The following EDEM3 variants were observed in gnomAD, a reference collection of about 807,000 sequenced individuals.
The protein encoded by EDEM3 is ER degradation enhancing alpha-mannosidase like protein 3.
In EDEM3, 60 loss-of-function variants were observed where a neutral mutation model predicts 110.2. The observed-to-expected ratio is 0.54, with a 90% CI of 0.44 to 0.67. The LOEUF (loss-of-function observed/expected upper bound fraction) is 0.67, where lower values mean the gene tolerates loss of function less well. Among genes scored for constraint, EDEM3 ranks in the 30% least tolerant of loss-of-function variants. The pLI is 0.00. For synonymous variants in EDEM3, 352 were observed against 382.9 expected (o/e 0.92, Z 0.94); for missense variants, 996 against 1,121.0 (o/e 0.89, Z 1.59).
intron 2 of EDEM3, among the ~76,000 whole-genome samples, chr1:184,745,332 G>T (rs1487077938): frequency 6.6e-6 from 1 of 152,062 alleles, no homozygotes; most frequent in East Asian, 1.9e-4. Flanking sequence ...ACAAAAAAAG[G>T]TAAATATAAA....
chr1:184,741,892 T>C (rs986952012), intron 2 of EDEM3, among the ~76,000 whole-genome samples: 5 of 152,178 alleles, frequency 3.3e-5, no homozygotes, highest in African/African-American at 4.8e-5. Flanking sequence ...AGTTCTATAC[T>C]CTTCTTGCAT....
rs12084988 is a variant in EDEM3, at chr1:184,737,751, C to T, written c.205-40G>A. 2.9e-5 allele frequency: 44 copies of T among 1,518,970 alleles called. No homozygotes were observed. The South Asian group carries it at 3.1e-4, about 11-fold the overall frequency. 94.1% of individuals were successfully genotyped at this position (1,518,970 alleles called of 1,614,324 possible). On this transcript the variant is annotated intron_variant, in intron 2 of 19. Transcript: ENST00000318130. ...TTAGTAAGTTACTAAGGAAAATAAG[C>T]GAAAGCACACATCATTTTGAGAACA...
intron 2 of EDEM3, among the ~76,000 whole-genome samples, chr1:184,741,226 C>T (rs1320554068): frequency 3.3e-5 from 5 of 151,830 alleles, no homozygotes; most frequent in Admixed American, 3.3e-4. Flanking sequence ...GGTGAAACCC[C>T]ATCTCTACTA....
intron 19 of EDEM3, among the ~76,000 whole-genome samples, chr1:184,695,954 A>G (rs1350672168): frequency 1.3e-5 from 2 of 151,928 alleles, no homozygotes; most frequent in African/African-American, 4.8e-5. Flanking sequence ...TCTCAGAAAT[A>G]AGCCTCAGAA....
At position 184,717,640 on chromosome 1, in the gene EDEM3, AC is replaced by A; in HGVS notation, c.1162-18del. ...GGTAAATGCCTGAACAAAACAACAT[AC>A]AAAAGGCATAAAAAATGTGATTAAA... On this transcript the variant is annotated intron_variant, in intron 11 of 19. Coordinates refer to ENST00000318130, the MANE Select transcript of EDEM3 (RefSeq NM_025191.4). The A allele has an allele frequency of 6.3e-7, 1 of 1,577,142 alleles. No homozygotes were observed. The highest frequency in any genetic ancestry group is 8.6e-7 in the Non-Finnish European group (1 of 1,164,950).
In EDEM3 at chr1:184,754,714, G is replaced by A; in HGVS notation, c.-68C>T. On this transcript the variant is annotated 5_prime_UTR_variant, in exon 1 of 20. Coordinates refer to ENST00000318130, the MANE Select transcript of EDEM3 (RefSeq NM_025191.4). ...GTGAGACACATTGCTGGACGCTGGT[G>A]GCCAGGGGGCTGCTAGCCGTGCCGA... is the stretch of plus-strand genomic sequence containing the variant. 8 of 1,447,996 alleles carry A rather than the reference G, an allele frequency of 5.5e-6. No homozygotes were observed. In the South Asian group the frequency reaches 1.0e-4, roughly 18 times the overall value. 89.7% of individuals were successfully genotyped at this position (1,447,996 alleles called of 1,614,324 possible).
chr1:184,698,381 C>T (rs1480947326), intron 19 of EDEM3, among the ~76,000 whole-genome samples: 9 of 151,720 alleles, frequency 5.9e-5, no homozygotes, highest in African/African-American at 1.5e-4. Context: ...ATAATTTGGA[C>T]GCCTAATAGT....
intron 7 of EDEM3, among the ~76,000 whole-genome samples, chr1:184,724,831 A>G (rs2102095624): frequency 6.6e-6 from 1 of 152,334 alleles, no homozygotes; most frequent in East Asian, 1.9e-4. Context: ...AAGATTAGCT[A>G]GAGTTTAAAA....
intron 10 of EDEM3, 66 bp downstream of exon 10, chr1:184,719,377 A>G: frequency 6.4e-7 from 1 of 1,572,186 alleles, no homozygotes. Flanking sequence ...AGTTTTAAAG[A>G]TCAAAAATGC....
At chr1:184,708,419 TGTACTGTA>T (rs1650052041) in intron 16 of EDEM3, 75 bp from the exon 17 acceptor site, 1 of 1,478,658 alleles carries the variant, frequency 6.8e-7, no homozygotes, top group South Asian at 1.2e-5. Flanking sequence ...CTAAAGACAC[TGTACTGTA>T]GTATTCTACT....
At chr1:184,744,832 T>G (rs1652341442) in intron 2 of EDEM3, among the ~76,000 whole-genome samples, 1 of 152,040 alleles carries the variant, frequency 6.6e-6, no homozygotes, top group South Asian at 2.1e-4. Context: ...ACAACATGGA[T>G]AAATCTCAAA....
intron 6 of EDEM3, among the ~76,000 whole-genome samples, chr1:184,726,862 T>C (rs10911644): frequency 0.31 from 46,500 of 152,230 alleles, 8,619 homozygotes; most frequent in East Asian, 0.55. Context: ...CGGATTGTTA[T>C]GGTATACATT....
chr1:184,751,278 A>G (rs1652751110), intron 1 of EDEM3, among the ~76,000 whole-genome samples: 1 of 152,040 alleles, frequency 6.6e-6, no homozygotes, highest in Non-Finnish European at 1.5e-5. Flanking sequence ...ACTCATATCA[A>G]TGAATGGAAG....
At chr1:184,743,181 C>A (rs1652235959) in intron 2 of EDEM3, among the ~76,000 whole-genome samples, 1 of 152,066 alleles carries the variant, frequency 6.6e-6, no homozygotes, top group African/African-American at 2.4e-5. Context: ...AATAAAAATA[C>A]AACCACACCT....
rs541170337 is a variant in EDEM3, at chr1:184,733,827, C to CAA, written c.458+702_458+703dup. On this transcript the variant is annotated intron_variant, in intron 5 of 19. Transcript: ENST00000318130. ...TGGCAACACAGCGAGAGTCTGTCTC[C>CAA]AAAAAAAAAAAAAAAGGCCCAAGAG... 2.4e-4 allele frequency among the ~76,000 whole-genome samples: 23 copies of CAA among 96,414 alleles called. 1 individual carries two copies. In the Middle Eastern group the frequency reaches 0.015, roughly 65 times the overall value. The allele number at this position is 96,414 out of a possible 152,430, so 63.3% of individuals were successfully genotyped here.
chr1:184,717,392 A>G (rs1370124899), intron 12 of EDEM3, 148 bp downstream of exon 12: 5 of 604,544 alleles, frequency 8.3e-6, no homozygotes, highest in Non-Finnish European at 1.4e-5. Context: ...CAATAATTCT[A>G]TGGACTAGAT....
Position 184,694,363 on chromosome 1 carries a change from C to T in EDEM3, c.2499G>A (p.Glu833=). 1.2e-6 allele frequency: 2 copies of T among 1,612,710 alleles called. No individual in the cohort carries two copies. The highest frequency in any genetic ancestry group is 8.5e-7 in the Non-Finnish European group (1 of 1,179,536). Residue 833 remains glutamate (E), a synonymous_variant, in exon 20 of 20, where the codon GAG becomes GAA. Transcript: ENST00000318130. ...AATTTAGAGAATTTTCCTCAGAAGA[C>T]TCTTGATCAACCAAATCAACCTCCT... The part of the protein sequence containing the change: ...SSQEVDLVDQ[E]SSEENSLNSH...
chr1:184,714,866 A>C (rs1650458248), intron 13 of EDEM3, among the ~76,000 whole-genome samples: 1 of 152,218 alleles, frequency 6.6e-6, no homozygotes, highest in Non-Finnish European at 1.5e-5. Context: ...CAGACCATAC[A>C]GTTAAGTATG....
intron 2 of EDEM3, among the ~76,000 whole-genome samples, chr1:184,743,561 T>C (rs1438619517): frequency 6.6e-6 from 1 of 152,140 alleles, no homozygotes; most frequent in Non-Finnish European, 1.5e-5. Flanking sequence ...GTAACAGACT[T>C]CTGCTCTAAA....
Sources: gnomAD v4.1 joint callset for allele counts (sites outside exome capture counted in the v4.1 genomes callset) on GRCh38, gnomAD v4.1.1 for gene constraint, MANE v1.5 for transcripts, NCBI Gene and HGNC (gene_info 2026-07-23, HGNC 2026-07-21) for gene names.